CD2AP: variants seen among roughly 807,000 people sequenced by gnomAD.
CD2AP encodes CD2 associated protein, also known as CD2-associated protein.
CD2AP carries 46 observed loss-of-function variants against 85.1 expected under a neutral mutation model. The observed-to-expected ratio is 0.54, with a 90% CI of 0.43 to 0.69. The LOEUF (loss-of-function observed/expected upper bound fraction) is 0.69. Ranked by LOEUF, CD2AP falls within the 30% of genes least tolerant of loss-of-function variation. The pLI, the probability that CD2AP is intolerant of heterozygous loss-of-function variation, is 0.00. For synonymous variants in CD2AP, 255 were observed against 252.9 expected, an observed-to-expected ratio of 1.01 and a Z score of -0.08; for missense variants, 769 against 729.5, an observed-to-expected ratio of 1.05 and a Z score of -0.62.
rs557770509 is a variant in CD2AP at position 47,577,748 on chromosome 6, A to G, written c.903+645A>G. 4.6e-5 allele frequency among the ~76,000 whole-genome samples: 7 copies of G among 151,902 alleles called. No homozygotes were observed. The East Asian group carries it at 1.4e-3, about 29-fold the overall frequency. On this transcript the variant is annotated intron_variant, in intron 8 of 17. Coordinates refer to ENST00000359314, the MANE Select transcript of CD2AP (RefSeq NM_012120.3). Reference sequence around the variant, plus strand: ...TTTGAAATTCTGCCCCCCACCCCCAACCTTTTTTAAGTAGAAATGGAGTCT... The same window carrying G: ...TTTGAAATTCTGCCCCCCACCCCCAGCCTTTTTTAAGTAGAAATGGAGTCT...
chr6:47,554,427 G>A (rs1369513491), intron 4 of CD2AP, among the ~76,000 whole-genome samples: 6 of 152,096 alleles, frequency 3.9e-5, no homozygotes, highest in African/African-American at 1.4e-4. Flanking sequence ...TTGTAAATGT[G>A]CGAAGTACTG....
intron 11 of CD2AP, among the ~76,000 whole-genome samples, chr6:47,594,752 A>G (rs1048922018): frequency 6.6e-6 from 1 of 152,038 alleles, no homozygotes; most frequent in Non-Finnish European, 1.5e-5. Flanking sequence ...AGAATTTTAT[A>G]GACTAAGCTA....
chr6:47,534,346 G>A (rs1766969362), intron 3 of CD2AP, among the ~76,000 whole-genome samples: 1 of 152,090 alleles, frequency 6.6e-6, no homozygotes, highest in African/African-American at 2.4e-5. Context: ...AAGAAAAAAA[G>A]CAAAACAAAA....
At chr6:47,513,829 C>G (rs1200816089) in intron 2 of CD2AP, among the ~76,000 whole-genome samples, 1 of 148,692 alleles carries the variant, frequency 6.7e-6, no homozygotes, top group African/African-American at 2.5e-5. Context: ...TGATTTCTCT[C>G]TCAAGTAATT....
chr6:47,581,208 C>T (rs149773344), intron 10 of CD2AP, among the ~76,000 whole-genome samples: 270 of 152,072 alleles, frequency 1.8e-3, no homozygotes, highest in East Asian at 3.9e-3. Context: ...GTTATTCTAC[C>T]GTTTCAAATG....
chr6:47,570,385 A>C (rs1768115880), intron 5 of CD2AP, among the ~76,000 whole-genome samples: 1 of 152,208 alleles, frequency 6.6e-6, no homozygotes, highest in African/African-American at 2.4e-5. Context: ...TTTTTCTTCA[A>C]GCATAGCAAT....
chr6:47,563,281 G>A (rs758878057), intron 5 of CD2AP, among the ~76,000 whole-genome samples: 7 of 152,106 alleles, frequency 4.6e-5, no homozygotes, highest in African/African-American at 7.2e-5. Context: ...AATGACTTGC[G>A]TTACTTTAGG....
chr6:47,612,630 T>C (rs1769475627), intron 17 of CD2AP, 94 bp downstream of exon 17: 2 of 802,676 alleles, frequency 2.5e-6, no homozygotes, highest in African/African-American at 1.7e-5. Context: ...GTACAAATTA[T>C]GCTATACTAC....
intron 14 of CD2AP, 64 bp downstream of exon 14, chr6:47,606,341 A>G: frequency 1.1e-6 from 1 of 950,732 alleles, no homozygotes; most frequent in Non-Finnish European, 1.7e-6. Flanking sequence ...ATTGGAAGAT[A>G]GAGGACTTAT....
chr6:47,544,728 G>C (rs184009436), intron 4 of CD2AP, 22 bp downstream of exon 4: 1 of 1,343,108 alleles, frequency 7.4e-7, no homozygotes, highest in Non-Finnish European at 1.1e-6. Context: ...ATGTGTTACA[G>C]GTAAAACAGT....
At chr6:47,541,092 TA>T (rs966381878) in intron 3 of CD2AP, among the ~76,000 whole-genome samples, 3 of 152,204 alleles carry the variant, frequency 2.0e-5, no homozygotes, top group African/African-American at 7.2e-5. Flanking sequence ...CTAGGTTAGT[TA>T]AAAAATTATG....
intron 2 of CD2AP, among the ~76,000 whole-genome samples, chr6:47,505,218 T>G (rs1444960510): frequency 1.4e-5 from 2 of 145,456 alleles, no homozygotes; most frequent in Non-Finnish European, 3.0e-5. Flanking sequence ...AGATTAGGGA[T>G]TGGTGATGAC....
chr6:47,569,583 T>C (rs1043884322), intron 5 of CD2AP, among the ~76,000 whole-genome samples: 2 of 151,486 alleles, frequency 1.3e-5, no homozygotes, highest in African/African-American at 2.4e-5. Flanking sequence ...GAAACCCTGA[T>C]GGATTGTTCT....
chr6:47,591,014 CAA>C (rs1345321347), intron 11 of CD2AP, among the ~76,000 whole-genome samples: 1 of 152,066 alleles, frequency 6.6e-6, no homozygotes, highest in Admixed American at 6.6e-5. Context: ...CAATTTATAA[CAA>C]AGTTTATAAA....
intron 2 of CD2AP, among the ~76,000 whole-genome samples, chr6:47,530,743 C>T (rs980037764): frequency 6.6e-6 from 1 of 152,060 alleles, no homozygotes; most frequent in Admixed American, 6.6e-5. Flanking sequence ...AGCAGGTGCT[C>T]AATAAGTGTT....
At chr6:47,551,171 A>G (rs1172438134) in intron 4 of CD2AP, among the ~76,000 whole-genome samples, 2 of 148,674 alleles carry the variant, frequency 1.3e-5, no homozygotes, top group Non-Finnish European at 3.0e-5. Context: ...CGGTTCCCCA[A>G]TAACCTATGG....
At chr6:47,493,354 G>GTTT (rs11420174) in intron 1 of CD2AP, among the ~76,000 whole-genome samples, 1 of 144,578 alleles carries the variant, frequency 6.9e-6, no homozygotes, top group Non-Finnish European at 1.5e-5. Flanking sequence ...CTAGGTTGGT[G>GTTT]TTTTTTTTTT....
intron 3 of CD2AP, among the ~76,000 whole-genome samples, chr6:47,542,207 A>G (rs1194581225): frequency 6.6e-6 from 1 of 152,096 alleles, no homozygotes; most frequent in African/African-American, 2.4e-5. Context: ...ATTTTTTTCT[A>G]GTATGCATGT....
At chr6:47,526,398 G>A (rs1766729190) in intron 2 of CD2AP, among the ~76,000 whole-genome samples, 1 of 152,142 alleles carries the variant, frequency 6.6e-6, no homozygotes, top group Admixed American at 6.5e-5. Flanking sequence ...TAACATCTCA[G>A]TTGGCAGTAT....
Sources: allele counts gnomAD v4.1 joint callset (sites outside exome capture counted in the v4.1 genomes callset), GRCh38; gene constraint gnomAD v4.1.1; transcripts MANE v1.5; gene names NCBI Gene and HGNC (gene_info 2026-07-23, HGNC 2026-07-21).